The following SHE variants were observed in gnomAD, a reference collection of about 807,000 sequenced individuals.
SHE encodes SH2 domain-containing adapter protein E.
Under a neutral mutation model 49.8 loss-of-function variants are expected in SHE, and 11 were observed. That is an observed-to-expected ratio of 0.22 (90% CI 0.14 to 0.37). SHE has a LOEUF of 0.37. SHE is among the 10% of genes least tolerant of loss of function. The pLI, the probability that SHE is intolerant of heterozygous loss-of-function variation, is 1.00. For synonymous variants in SHE, 310 were observed against 278.1 expected (o/e 1.11, Z -1.14); for missense variants, 624 against 655.5 (o/e 0.95, Z 0.52).
chr1:154,492,476 T>C (rs1460224092), intron 2 of SHE, among the ~76,000 whole-genome samples: 1 of 152,192 alleles, frequency 6.6e-6, no homozygotes, highest in African/African-American at 2.4e-5. Context: ...CACATCAGAA[T>C]GTAAGAGTCG....
At chr1:154,486,173 A>C in intron 4 of SHE, 111 bp from the exon 5 acceptor site, 1 of 1,397,032 alleles carries the variant, frequency 7.2e-7, no homozygotes, top group Non-Finnish European at 9.9e-7. Context: ...GCAGAGACGC[A>C]ACAGCCTGAA....
rs1247424583 is a variant in SHE, at chr1:154,501,907, C to T, written c.120G>A (p.Lys40=). The change falls in exon 1 of 6, where the codon AAG becomes AAA. Residue 40 remains lysine (K), a synonymous_variant. Coordinates refer to ENST00000304760, the MANE Select transcript of SHE (RefSeq NM_001010846.3). The part of the protein sequence containing the change: ...RAGRGPLMAA[K]WFKEFPLNLK... ...GGTTCAGGGGGAACTCCTTGAACCA[C>T]TTGGCCGCCATGAGGGGGCCCCGGC... 5.3e-6 allele frequency: 8 copies of T among 1,507,264 alleles called. No homozygotes were observed. Among genetic ancestry groups the T allele is most frequent in the Non-Finnish European group, 7.0e-6 (8 of 1,136,634 alleles). The allele number at this position is 1,507,264 out of a possible 1,614,324, so 93.4% of individuals were successfully genotyped here. A position where few individuals can be genotyped will look rare whatever the true frequency, so the allele number is the denominator to read the frequency against.
At chr1:154,478,190 G>A (rs1172399933), downstream of SHE, among the ~76,000 whole-genome samples, 1 of 152,096 alleles carries the variant, frequency 6.6e-6, no homozygotes, top group East Asian at 1.9e-4. Context: ...CCTGCCCAGT[G>A]GCTTCCAGAA....
chr1:154,502,148 G>T lies in SHE; in HGVS notation c.-122C>A. The T allele has an allele frequency of 1.3e-6, 1 of 797,452 alleles. No individual in the cohort carries two copies. The highest frequency in any genetic ancestry group is 1.6e-6 in the Non-Finnish European group (1 of 609,768). 49.4% of individuals were successfully genotyped at this position (797,452 alleles called of 1,614,324 possible). A position where few individuals can be genotyped will look rare whatever the true frequency, so the allele number is the denominator to read the frequency against. ...TTCTCACGGCTCGGGGCGCCGAGCG[G>T]GCGGGCGCTAGCCTCTGCTCCGGAC... On this transcript the variant is annotated 5_prime_UTR_variant, in exon 1 of 6. Transcript: ENST00000304760.
At chr1:154,471,705 C>G (rs59844441) in intron 1 of SHE, among the ~76,000 whole-genome samples, 109,654 of 149,932 alleles carry the variant, frequency 0.73, 40,750 homozygotes, top group East Asian at 0.83. Context: ...CTCTCTCTCT[C>G]TGTGTGTGTG....
intron 2 of SHE, 152 bp from the exon 3 acceptor site, chr1:154,489,508 T>C (rs531445112): frequency 3.5e-5 from 33 of 951,948 alleles, no homozygotes; most frequent in Admixed American, 1.9e-4. Flanking sequence ...TGCTCCCTGA[T>C]AGGTTGATTA....
chr1:154,475,559 T>C (rs1462105215), downstream of SHE, among the ~76,000 whole-genome samples: 1 of 152,252 alleles, frequency 6.6e-6, no homozygotes, highest in Non-Finnish European at 1.5e-5. Flanking sequence ...CTTGTGTACA[T>C]ATTTAATTTT....
intron 1 of SHE, among the ~76,000 whole-genome samples, chr1:154,471,853 TGTCA>T (rs1371548767): frequency 2.6e-5 from 4 of 152,178 alleles, no homozygotes; most frequent in Non-Finnish European, 4.4e-5. Flanking sequence ...CATTTTGATA[TGTCA>T]GTATGATTTT....
downstream of SHE, among the ~76,000 whole-genome samples, chr1:154,478,188 G>C (rs989309364): frequency 1.3e-5 from 2 of 152,150 alleles, no homozygotes; most frequent in African/African-American, 4.8e-5. Flanking sequence ...ACCCTGCCCA[G>C]TGGCTTCCAG....
chr1:154,492,131 A>C (rs1269994571), intron 2 of SHE, among the ~76,000 whole-genome samples: 1 of 152,186 alleles, frequency 6.6e-6, no homozygotes, highest in Non-Finnish European at 1.5e-5. Context: ...CAAAAGTGCA[A>C]AACTTAGGTA....
At position 154,499,137 on chromosome 1, in the gene SHE, T is replaced by C; in HGVS notation, c.693A>G (p.Pro231=). 6.2e-7 allele frequency: 1 copy of C among 1,614,228 alleles called. No homozygotes were observed. Among genetic ancestry groups the C allele is most frequent in the South Asian group, 1.1e-5 (1 of 91,080 alleles). The change falls in exon 2 of 6, where the codon CCA becomes CCG. Residue 231 remains proline (P), a synonymous_variant. Transcript: ENST00000304760. ...CTGTTATCATTTGCTGTGCATCATA[T>C]GGTTCCATGTAACCGTCGTTCTCTC... ...RVGENDGYME[P]YDAQQMITEI...
Position 154,481,680 on chromosome 1 carries a change from TAAACTA to T in SHE, c.*2463_*2468del. On this transcript the variant is annotated 3_prime_UTR_variant, in exon 6 of 6. Coordinates refer to ENST00000304760, the MANE Select transcript of SHE (RefSeq NM_001010846.3). Reference sequence around the variant, plus strand: ...TAAAAACGTTTCATTTCTAGAATGTTAAACTAAAAATAAGTTTAACACAATGAATAA... The same window carrying T: ...TAAAAACGTTTCATTTCTAGAATGTTAAAATAAGTTTAACACAATGAATAA... 4.1e-6 allele frequency: 4 copies of T among 970,228 alleles called. No individual in the cohort carries two copies. The highest frequency in any genetic ancestry group is 4.9e-6 in the Non-Finnish European group (4 of 816,104). 60.1% of individuals were successfully genotyped at this position (970,228 alleles called of 1,614,324 possible). A position where few individuals can be genotyped will look rare whatever the true frequency, so the allele number is the denominator to read the frequency against.
At chr1:154,474,364 T>C (rs1004676450) in intron 1 of SHE, among the ~76,000 whole-genome samples, 2 of 152,238 alleles carry the variant, frequency 1.3e-5, no homozygotes, top group African/African-American at 4.8e-5. Context: ...TAACTCTCTC[T>C]GATCAGGGAC....
chr1:154,480,284 A>C lies in SHE; in HGVS notation c.*3865T>G. 4.1e-6 allele frequency: 4 copies of C among 985,448 alleles called. No homozygotes were observed. The highest frequency in any genetic ancestry group is 3.6e-6 in the Non-Finnish European group (3 of 829,950). 61.0% of individuals were successfully genotyped at this position (985,448 alleles called of 1,614,324 possible). On this transcript the variant is annotated 3_prime_UTR_variant, in exon 6 of 6. Coordinates refer to ENST00000304760, the MANE Select transcript of SHE (RefSeq NM_001010846.3). ...TCAAGGGGTGCGGGGAAGGGAAATG[A>C]AATCGACATCACTGCACTCCCTAAA...
At chr1:154,493,695 A>G (rs1020077782) in intron 2 of SHE, among the ~76,000 whole-genome samples, 10 of 152,218 alleles carry the variant, frequency 6.6e-5, no homozygotes, top group Admixed American at 4.6e-4. Context: ...CAAAAACAAG[A>G]AAGTCTTAGC....
chr1:154,476,376 G>A (rs1467397203), downstream of SHE, among the ~76,000 whole-genome samples: 5 of 152,138 alleles, frequency 3.3e-5, no homozygotes, highest in African/African-American at 1.2e-4. Context: ...CGAGCACGGT[G>A]GTTCATGCCT....
intron 2 of SHE, among the ~76,000 whole-genome samples, chr1:154,489,866 T>G (rs1041162000): frequency 6.6e-6 from 1 of 152,202 alleles, no homozygotes; most frequent in Non-Finnish European, 1.5e-5. Context: ...AACGAACACA[T>G]TAGCCCACAG....
chr1:154,488,114 T>C (rs897479995), intron 3 of SHE, among the ~76,000 whole-genome samples: 2 of 151,660 alleles, frequency 1.3e-5, no homozygotes, highest in Non-Finnish European at 2.9e-5. Context: ...AGGTATTTTT[T>C]GTATTTTTAG....
chr1:154,497,399 G>A (rs1056570583), intron 2 of SHE, among the ~76,000 whole-genome samples: 1 of 152,220 alleles, frequency 6.6e-6, no homozygotes, highest in Non-Finnish European at 1.5e-5. Flanking sequence ...CCTTGAGTCA[G>A]CATTCAGCAA....
Sources: gnomAD v4.1 joint callset for allele counts (sites outside exome capture counted in the v4.1 genomes callset) on GRCh38, gnomAD v4.1.1 for gene constraint, MANE v1.5 for transcripts, NCBI Gene and HGNC (gene_info 2026-07-23, HGNC 2026-07-21) for gene names.